The following FAM227B variants were observed in gnomAD, a reference collection of about 807,000 sequenced individuals.
FAM227B encodes protein FAM227B.
Under a neutral mutation model 73.8 loss-of-function variants are expected in FAM227B, and 88 were observed. The ratio of observed to expected loss-of-function variants is 1.19; its 90% CI spans 1.00 to 1.42. FAM227B has a LOEUF of 1.42. FAM227B is among the 40% of genes most tolerant of loss of function. The pLI is 0.00. For synonymous variants in FAM227B, 210 were observed against 190.5 expected, an observed-to-expected ratio of 1.10 and a Z score of -0.84; for missense variants, 632 against 590.9, an observed-to-expected ratio of 1.07 and a Z score of -0.72.
chr15:49,544,433 T>C (rs1248077948), intron 9 of FAM227B, among the ~76,000 whole-genome samples: 1 of 152,132 alleles, frequency 6.6e-6, no homozygotes, highest in Admixed American at 6.6e-5. Flanking sequence ...TTTCTAGGTA[T>C]ACAATCATAT....
intron 11 of FAM227B, among the ~76,000 whole-genome samples, chr15:49,496,085 A>G (rs2057578638): frequency 6.6e-6 from 1 of 152,168 alleles, no homozygotes; most frequent in Non-Finnish European, 1.5e-5. Flanking sequence ...TTTATAACAT[A>G]TGGAATCCTA....
At chr15:49,598,641 G>A (rs749619402) in intron 3 of FAM227B, among the ~76,000 whole-genome samples, 1 of 151,910 alleles carries the variant, frequency 6.6e-6, no homozygotes, top group Non-Finnish European at 1.5e-5. Flanking sequence ...AATTTGCTGA[G>A]AGTTTTTAAA....
At chr15:49,610,892 A>G (rs373157435) in intron 3 of FAM227B, among the ~76,000 whole-genome samples, 14 of 152,208 alleles carry the variant, frequency 9.2e-5, no homozygotes, top group African/African-American at 2.9e-4. Flanking sequence ...GTGCATAAAT[A>G]AATGAGATAA....
chr15:49,328,845 T>C, intron 15 of FAM227B, 170 bp from the exon 16 acceptor site: 1 of 1,371,956 alleles, frequency 7.3e-7, no homozygotes, highest in South Asian at 1.9e-5. Flanking sequence ...TTGTAAACCA[T>C]GTAATATATA....
intron 11 of FAM227B, among the ~76,000 whole-genome samples, chr15:49,411,575 G>A (rs1317016786): frequency 6.6e-6 from 1 of 152,048 alleles, no homozygotes; most frequent in Admixed American, 6.6e-5. Flanking sequence ...CAAGGTAAAG[G>A]ATGAGTACAT....
chr15:49,528,064 A>T (rs1222804949), intron 10 of FAM227B, among the ~76,000 whole-genome samples: 1 of 151,948 alleles, frequency 6.6e-6, no homozygotes, highest in Non-Finnish European at 1.5e-5. Context: ...CAGCAAAAAC[A>T]ACAAAGTTGG....
At chr15:49,532,076 A>AT (rs2152230682) in intron 10 of FAM227B, among the ~76,000 whole-genome samples, 1 of 149,298 alleles carries the variant, frequency 6.7e-6, no homozygotes, top group Admixed American at 6.7e-5. Context: ...TATACATAAT[A>AT]TTATATAGAT....
chr15:49,590,061 AATAATAGAGTTCAAAACCAATGAGCT>A (rs1363210837), intron 3 of FAM227B, 54 bp from the exon 4 acceptor site: 1 of 919,266 alleles, frequency 1.1e-6, no homozygotes, highest in East Asian at 2.4e-5. Context: ...AATGAATTTA[AATAATAGAGTTCAAAACCAATGAGCT>A]ATAATCGAGA....
rs74883644 is a variant in FAM227B at position 49,616,458 on chromosome 15, T to C, written c.-72-1215A>G. ...GAGGAGAAAGAGTGATTTTTTTTTTTAGCATTTTGCAGATGTGAAAAATGC... is the reference window on the plus strand; with the variant it reads ...GAGGAGAAAGAGTGATTTTTTTTTTCAGCATTTTGCAGATGTGAAAAATGC... On this transcript the variant is annotated intron_variant, in intron 1 of 15. Coordinates refer to ENST00000299338, the MANE Select transcript of FAM227B (RefSeq NM_152647.3). 2.0e-5 allele frequency among the ~76,000 whole-genome samples: 3 copies of C among 152,180 alleles called. No individual in the cohort carries two copies. The East Asian group carries it at 5.8e-4, about 29-fold the overall frequency.
At chr15:49,340,324 G>T (rs973802838) in intron 13 of FAM227B, among the ~76,000 whole-genome samples, 24 of 152,056 alleles carry the variant, frequency 1.6e-4, no homozygotes, top group Non-Finnish European at 5.9e-5. Context: ...GGAGTACACG[G>T]TACAGTCCCT....
At position 49,575,016 on chromosome 15, in the gene FAM227B, A is replaced by C. The variant is rs2075360481; in HGVS notation, c.640T>G (p.Phe214Val). Reference sequence around the variant, plus strand: ...ATTTTTAAAAATCACTATACCCTAAATTTATGGAGAAACCACCACCAAAAG... The same window carrying C: ...ATTTTTAAAAATCACTATACCCTAACTTTATGGAGAAACCACCACCAAAAG... The part of the protein sequence containing the change: ...DSFWWWFLHK[F>V]RPDRENQDCL... The change falls in exon 8 of 16, where the codon TTT becomes GTT. Residue 214 changes from phenylalanine (F) to valine (V), a missense_variant. Phe to Val is a conservative substitution (Grantham distance 50). Coordinates refer to ENST00000299338, the MANE Select transcript of FAM227B (RefSeq NM_152647.3). 1 of 1,571,092 alleles carries C rather than the reference A, an allele frequency of 6.4e-7. No homozygotes were observed. The highest frequency in any genetic ancestry group is 8.7e-7 in the Non-Finnish European group (1 of 1,155,038).
chr15:49,542,109 T>C lies in FAM227B; in HGVS notation c.748-303A>G, dbSNP rs528047316. On this transcript the variant is annotated intron_variant, in intron 9 of 15. Coordinates refer to ENST00000299338, the MANE Select transcript of FAM227B (RefSeq NM_152647.3). Reference sequence around the variant, plus strand: ...GATTTTAAATTTTAGTTTTTAAAACTAGTTTTACATTTATTTAATATTTTT... The same window carrying C: ...GATTTTAAATTTTAGTTTTTAAAACCAGTTTTACATTTATTTAATATTTTT... Among the ~76,000 whole-genome samples, 361 of 152,314 alleles carry C rather than the reference T, an allele frequency of 2.4e-3. 2 individuals are homozygous for C. Among genetic ancestry groups the C allele is most frequent in the Non-Finnish European group, 3.2e-3 (221 of 68,028 alleles).
At chr15:49,377,220 A>G (rs905853345) in intron 11 of FAM227B, among the ~76,000 whole-genome samples, 1 of 152,098 alleles carries the variant, frequency 6.6e-6, no homozygotes, top group African/African-American at 2.4e-5. Context: ...ATGGCTGAAT[A>G]GTACTCCATT....
chr15:49,436,684 A>C (rs118069527), intron 11 of FAM227B, among the ~76,000 whole-genome samples: 22,916 of 151,512 alleles, frequency 0.15, 2,237 homozygotes, highest in Non-Finnish European at 0.21. Context: ...CACAGAATTA[A>C]GTAACTTGCT....
intron 9 of FAM227B, among the ~76,000 whole-genome samples, chr15:49,545,963 T>G: frequency 6.6e-6 from 1 of 151,206 alleles, no homozygotes; most frequent in Non-Finnish European, 1.5e-5. Context: ...TTTTTTAATT[T>G]TATTATTATT....
At chr15:49,480,681 C>T (rs1487512218) in intron 11 of FAM227B, among the ~76,000 whole-genome samples, 1 of 152,072 alleles carries the variant, frequency 6.6e-6, no homozygotes, top group Non-Finnish European at 1.5e-5. Context: ...CGGGGTTTCG[C>T]CATGTTGGCC....
At chr15:49,502,618 G>GAC (rs1201432128) in intron 11 of FAM227B, among the ~76,000 whole-genome samples, 9 of 152,334 alleles carry the variant, frequency 5.9e-5, no homozygotes, top group Admixed American at 4.6e-4. Flanking sequence ...AGGCGGAAGA[G>GAC]ACTTGCCTTG....
intron 11 of FAM227B, among the ~76,000 whole-genome samples, chr15:49,371,704 A>AAATGAAATAAAATTCACTTATAAATAAAT (rs1567171800): frequency 4.7e-5 from 7 of 148,822 alleles, no homozygotes; most frequent in Admixed American, 1.3e-4. Flanking sequence ...ACTTATAAAT[A>AAATGAAATAAAATTCACTTATAAATAAAT]AATGAAATAA....
intron 11 of FAM227B, chr15:49,396,215 G>T (rs1004791817): frequency 2.0e-5 from 7 of 347,834 alleles, no homozygotes; most frequent in Non-Finnish European, 4.0e-5. Context: ...TTCCCTTTCC[G>T]AGTCAAAGAA....
Sources: allele counts gnomAD v4.1 joint callset (sites outside exome capture counted in the v4.1 genomes callset), GRCh38; gene constraint gnomAD v4.1.1; transcripts MANE v1.5; gene names NCBI Gene and HGNC (gene_info 2026-07-23, HGNC 2026-07-21).